The following ADAM2 variants were observed in gnomAD, a reference collection of about 807,000 sequenced individuals.
The protein encoded by ADAM2 is disintegrin and metalloproteinase domain-containing protein 2.
In ADAM2, 101 loss-of-function variants were observed where a neutral mutation model predicts 99.3. The observed-to-expected ratio is 1.02, with a 90% confidence interval of 0.87 to 1.20. ADAM2 has a LOEUF of 1.20. Among genes scored for constraint, ADAM2 ranks in the 50% most tolerant of loss-of-function variants. The pLI is 0.00. For missense variants in ADAM2, 948 were observed against 878.7 expected, an observed-to-expected ratio of 1.08 and a Z score of -1.00; for synonymous variants, 323 against 287.6, an observed-to-expected ratio of 1.12 and a Z score of -1.25.
chr8:39,769,935 T>C (rs1191440825), intron 11 of ADAM2, among the ~76,000 whole-genome samples: 1 of 135,306 alleles, frequency 7.4e-6, no homozygotes, highest in African/African-American at 2.7e-5. Flanking sequence ...CAGGCTTTTC[T>C]TTTTTTTCTT....
At chr8:39,768,260 C>A (rs74780091) in intron 12 of ADAM2, among the ~76,000 whole-genome samples, 2 of 151,918 alleles carry the variant, frequency 1.3e-5, no homozygotes, top group African/African-American at 4.8e-5. Flanking sequence ...AAGTGGGTGA[C>A]GAGGAACAAT....
chr8:39,792,765 C>T (rs1158792129), intron 7 of ADAM2, among the ~76,000 whole-genome samples: 1 of 152,066 alleles, frequency 6.6e-6, no homozygotes, highest in African/African-American at 2.4e-5. Flanking sequence ...AAAGAATGAA[C>T]CAGCCTCTGA....
chr8:39,816,519 A>G (rs898982811), intron 6 of ADAM2, among the ~76,000 whole-genome samples: 1 of 152,188 alleles, frequency 6.6e-6, no homozygotes, highest in Non-Finnish European at 1.5e-5. Flanking sequence ...GTTCCTAGCA[A>G]TATTATAATA....
chr8:39,744,701 A>G, intron 20 of ADAM2, 129 bp downstream of exon 20: 4 of 553,300 alleles, frequency 7.2e-6, no homozygotes, highest in Non-Finnish European at 1.2e-5. Flanking sequence ...CTTAAAACCT[A>G]GATGACGGGT....
chr8:39,745,397 T>C (rs1359516670), intron 19 of ADAM2, among the ~76,000 whole-genome samples: 1 of 152,144 alleles, frequency 6.6e-6, no homozygotes, highest in African/African-American at 2.4e-5. Context: ...TATTCCATTT[T>C]CATTTACATT....
In ADAM2 at chr8:39,838,212, A is replaced by G; in HGVS notation, c.-27T>C. The G allele has an allele frequency of 6.2e-7, 1 of 1,614,020 alleles. No homozygotes were observed. The highest frequency in any genetic ancestry group is 8.5e-7 in the Non-Finnish European group (1 of 1,179,910). On this transcript the variant is annotated 5_prime_UTR_variant, in exon 1 of 21. Transcript: ENST00000265708. ...GCTTGAAGTCCTGGGTCCCAGCCGG[A>G]ATAATGGCAGTTGGTGGTTACAGGG...
At chr8:39,770,246 C>T (rs1453150337) in intron 11 of ADAM2, among the ~76,000 whole-genome samples, 1 of 152,098 alleles carries the variant, frequency 6.6e-6, no homozygotes, top group Non-Finnish European at 1.5e-5. Context: ...CGCGCCCAGC[C>T]CAGGCTTTTC....
chr8:39,767,896 TCACACACACA>T (rs57655234), intron 12 of ADAM2, among the ~76,000 whole-genome samples: 3 of 147,784 alleles, frequency 2.0e-5, no homozygotes, highest in Non-Finnish European at 4.5e-5. Flanking sequence ...GACAATGCAT[TCACACACACA>T]CACACACACA....
At chr8:39,748,209 C>T (rs921882324) in intron 18 of ADAM2, among the ~76,000 whole-genome samples, 2 of 152,062 alleles carry the variant, frequency 1.3e-5, no homozygotes, top group Non-Finnish European at 2.9e-5. Flanking sequence ...CTGCAAAATA[C>T]CTGGCTAGAG....
At chr8:39,772,537 A>G (rs1802824485) in intron 11 of ADAM2, among the ~76,000 whole-genome samples, 1 of 152,082 alleles carries the variant, frequency 6.6e-6, no homozygotes, top group African/African-American at 2.4e-5. Context: ...ACTGTGAAAC[A>G]TCACACAATT....
At chr8:39,785,173 T>G (rs1378672354) in intron 10 of ADAM2, among the ~76,000 whole-genome samples, 3 of 152,222 alleles carry the variant, frequency 2.0e-5, no homozygotes, top group Admixed American at 6.5e-5. Context: ...TAGAACCCCT[T>G]ATAGTCTGAG....
Position 39,767,228 on chromosome 8 carries a change from T to A in ADAM2, c.1236A>T (p.Thr412=). The change falls in exon 13 of 21, where the codon ACA becomes ACT. Residue 412 remains threonine (T), a synonymous_variant. Transcript: ENST00000265708. ...TEQDCALIGE[T]CCDIATCRFK... is the part of the protein sequence containing the mutation. ...ATCTACATGTGGCAATATCACAGCA[T>A]GTTTCTCCAATAAGGGCACAATCCT... 1 of 1,606,890 alleles carries A rather than the reference T, an allele frequency of 6.2e-7. No homozygotes were observed. Among genetic ancestry groups the A allele is most frequent in the Non-Finnish European group, 8.5e-7 (1 of 1,178,510 alleles).
intron 7 of ADAM2, among the ~76,000 whole-genome samples, chr8:39,792,300 T>C (rs1803751314): frequency 6.6e-6 from 1 of 152,062 alleles, no homozygotes; most frequent in African/African-American, 2.4e-5. Context: ...AATGTTATAA[T>C]TGCACAAAAT....
chr8:39,770,296 T>C (rs2129584300), intron 11 of ADAM2, among the ~76,000 whole-genome samples: 1 of 152,300 alleles, frequency 6.6e-6, no homozygotes, highest in Non-Finnish European at 1.5e-5. Context: ...GGTTATTTTA[T>C]CCATGTCTAT....
intron 7 of ADAM2, among the ~76,000 whole-genome samples, chr8:39,794,827 G>T (rs575157345): frequency 1.3e-5 from 2 of 152,098 alleles, no homozygotes; most frequent in East Asian, 3.9e-4. Flanking sequence ...CAATGCTCCT[G>T]GCTGAATAAA....
chr8:39,769,895 G>A (rs1234541567), intron 11 of ADAM2, among the ~76,000 whole-genome samples: 1 of 151,534 alleles, frequency 6.6e-6, no homozygotes, highest in Non-Finnish European at 1.5e-5. Flanking sequence ...ACTTCTAAGT[G>A]CTGGGACACC....
At chr8:39,833,496 G>T (rs1805697507) in intron 3 of ADAM2, among the ~76,000 whole-genome samples, 1 of 151,872 alleles carries the variant, frequency 6.6e-6, no homozygotes, top group Non-Finnish European at 1.5e-5. Flanking sequence ...GATTGAATTT[G>T]GCTAATTACA....
At chr8:39,757,675 T>G (rs1328315758) in intron 15 of ADAM2, among the ~76,000 whole-genome samples, 1 of 152,190 alleles carries the variant, frequency 6.6e-6, no homozygotes, top group Non-Finnish European at 1.5e-5. Context: ...TTTCAGCTCC[T>G]GCTCAGAGAC....
At position 39,769,520 on chromosome 8, in the gene ADAM2, A is replaced by G. The variant is rs368593515; in HGVS notation, c.1084T>C (p.Phe362Leu). 9 of 1,613,810 alleles carry G rather than the reference A, an allele frequency of 5.6e-6. No individual in the cohort carries two copies. Among genetic ancestry groups the G allele is most frequent in the African/African-American group, 1.3e-5 (1 of 74,922 alleles). The change falls in exon 12 of 21, where the codon TTT becomes CTT. Residue 362 changes from phenylalanine to leucine, a missense_variant. Physicochemically the swap from Phe to Leu is conservative, Grantham distance 22 (BLOSUM62 0). Transcript: ENST00000265708. ...SNCSFEDFAH[F>L]ISKQKSQCLH... ...CACTGGGACTTCTGCTTTGAAATAA[A>G]ATGTGCAAAGTCTTCGAAGCTGCAG...
Sources: gnomAD v4.1 joint callset for allele counts (sites outside exome capture counted in the v4.1 genomes callset) on GRCh38, gnomAD v4.1.1 for gene constraint, MANE v1.5 for transcripts, NCBI Gene and HGNC (gene_info 2026-07-23, HGNC 2026-07-21) for gene names.